PTPN4: variants seen among roughly 807,000 people sequenced by gnomAD.
The protein encoded by PTPN4 is tyrosine-protein phosphatase non-receptor type 4.
A neutral mutation model predicts 135.5 loss-of-function variants in PTPN4; 49 were observed. The observed-to-expected ratio is 0.36, with a 90% CI of 0.29 to 0.46. The LOEUF is 0.46. Ranked by LOEUF, PTPN4 falls within the 20% of genes least tolerant of loss-of-function variation. The pLI is 1.00. For synonymous variants in PTPN4, 333 were observed against 369.9 expected (o/e 0.90, Z 1.14); for missense variants, 860 against 1,101.0 (o/e 0.78, Z 3.10).
At chr2:119,780,541 G>A (rs1295773371) in intron 1 of PTPN4, among the ~76,000 whole-genome samples, 2 of 151,956 alleles carry the variant, frequency 1.3e-5, no homozygotes, top group East Asian at 1.9e-4. Flanking sequence ...TCACATTTTC[G>A]AAGAATCCAG....
intron 2 of PTPN4, among the ~76,000 whole-genome samples, chr2:119,844,568 C>G (rs1023196645): frequency 6.7e-6 from 1 of 149,742 alleles, no homozygotes; most frequent in Admixed American, 6.6e-5. Context: ...TCCTCACCTC[C>G]CAGACGGGGT....
At position 119,891,758 on chromosome 2, in the gene PTPN4, C is replaced by A. The variant is rs150668022; in HGVS notation, c.675+5876C>A. Reference sequence around the variant, plus strand: ...ACCTTTCAAGTCAATAATTTGAATTCTTTATTTCATGCTGGGATTTTGAAC... The same window carrying A: ...ACCTTTCAAGTCAATAATTTGAATTATTTATTTCATGCTGGGATTTTGAAC... On this transcript the variant is annotated intron_variant, in intron 9 of 26. Coordinates refer to ENST00000263708, the MANE Select transcript of PTPN4 (RefSeq NM_002830.4). Among the ~76,000 whole-genome samples the A allele has an allele frequency of 2.6e-5, 4 of 152,226 alleles. No homozygotes were observed. The East Asian group carries it at 7.7e-4, about 29-fold the overall frequency.
chr2:119,961,350 T>C (rs1205035655), intron 23 of PTPN4, among the ~76,000 whole-genome samples: 2 of 152,140 alleles, frequency 1.3e-5, no homozygotes, highest in African/African-American at 4.8e-5. Context: ...ATCAGGGAGA[T>C]GCAGATCAAA....
At chr2:119,944,287 A>G (rs1381239735) in intron 15 of PTPN4, among the ~76,000 whole-genome samples, 1 of 152,170 alleles carries the variant, frequency 6.6e-6, no homozygotes, top group African/African-American at 2.4e-5. Flanking sequence ...TTAATCTTTT[A>G]CTTCTCCCAA....
chr2:119,925,194 AAGCAGCTGCC>A (rs560454480), intron 12 of PTPN4, among the ~76,000 whole-genome samples: 15 of 152,076 alleles, frequency 9.9e-5, no homozygotes, highest in Non-Finnish European at 1.9e-4. Context: ...ATGACTATTA[AAGCAGCTGCC>A]AGCAGCTGCC....
chr2:119,796,864 G>A (rs1245402766), intron 1 of PTPN4, among the ~76,000 whole-genome samples: 3 of 4,610 alleles, frequency 6.5e-4, no homozygotes, highest in Admixed American at 4.2e-3. Context: ...CTGTTTTTGT[G>A]TGTGTGTGTG....
intron 1 of PTPN4, among the ~76,000 whole-genome samples, chr2:119,789,127 G>A (rs1408696353): frequency 6.6e-6 from 1 of 150,748 alleles, no homozygotes; most frequent in Non-Finnish European, 1.5e-5. Context: ...ATCTAAATAA[G>A]TGTGAGGTGG....
chr2:119,807,957 A>G (rs552243197), intron 1 of PTPN4, among the ~76,000 whole-genome samples: 1 of 152,372 alleles, frequency 6.6e-6, no homozygotes, highest in East Asian at 1.9e-4. Context: ...TCAGCTAAAC[A>G]GAAGCAATGA....
intron 12 of PTPN4, among the ~76,000 whole-genome samples, chr2:119,923,286 A>T (rs1054047625): frequency 2.6e-5 from 4 of 152,204 alleles, no homozygotes; most frequent in Admixed American, 1.3e-4. Context: ...AGGGAGGAGG[A>T]TCACTTGAGG....
rs557260453 is a variant in PTPN4 at position 119,819,943 on chromosome 2, C to G, written c.138+9952C>G. Among the ~76,000 whole-genome samples, 16 of 152,222 alleles carry G rather than the reference C, an allele frequency of 1.1e-4. No individual in the cohort carries two copies. The East Asian group carries it at 1.7e-3, about 17-fold the overall frequency. On this transcript the variant is annotated intron_variant, in intron 2 of 26. Transcript: ENST00000263708. ...TAGTACCACCATAGTTTAGTGCAGG[C>G]TTGAACTCCTGGGCTCAAGGGAATC...
chr2:119,774,814 C>T (rs571647894), intron 1 of PTPN4, among the ~76,000 whole-genome samples: 2 of 151,866 alleles, frequency 1.3e-5, no homozygotes, highest in South Asian at 4.2e-4. Context: ...ATCACGAGGT[C>T]GGGAGTTCGA....
chr2:119,852,883 A>T (rs967575618), intron 2 of PTPN4, among the ~76,000 whole-genome samples: 3 of 151,440 alleles, frequency 2.0e-5, no homozygotes, highest in African/African-American at 7.3e-5. Context: ...TTTTCTCCAG[A>T]GTCCTCTTTG....
intron 3 of PTPN4, among the ~76,000 whole-genome samples, chr2:119,876,714 C>T (rs1677987689): frequency 6.6e-6 from 1 of 151,978 alleles, no homozygotes; most frequent in Non-Finnish European, 1.5e-5. Flanking sequence ...CTTAAAATTT[C>T]TCACACATAA....
At chr2:119,789,764 T>C (rs12472128) in intron 1 of PTPN4, among the ~76,000 whole-genome samples, 146,704 of 152,242 alleles carry the variant, frequency 0.96, 70,928 homozygotes, top group East Asian at 1. Flanking sequence ...TCTCACTCAC[T>C]CAGGCTGGAG....
chr2:119,832,689 G>A (rs1677236696), intron 2 of PTPN4, among the ~76,000 whole-genome samples: 2 of 151,482 alleles, frequency 1.3e-5, no homozygotes, highest in Non-Finnish European at 2.9e-5. Flanking sequence ...GTTAATATTA[G>A]TAATTACATG....
At chr2:119,919,427 T>C (rs1338972923) in intron 11 of PTPN4, among the ~76,000 whole-genome samples, 2 of 152,248 alleles carry the variant, frequency 1.3e-5, no homozygotes, top group African/African-American at 2.4e-5. Flanking sequence ...CCTAGAATTA[T>C]ATTTTGAAAC....
chr2:119,805,606 T>C (rs1387633379), intron 1 of PTPN4, among the ~76,000 whole-genome samples: 5 of 152,222 alleles, frequency 3.3e-5, no homozygotes, highest in South Asian at 2.1e-4. Flanking sequence ...TGTGGTGATA[T>C]TTCTGAGGCC....
chr2:119,877,207 G>T, intron 3 of PTPN4, 116 bp from the exon 4 acceptor site: 4 of 1,083,416 alleles, frequency 3.7e-6, no homozygotes, highest in South Asian at 1.8e-5. Context: ...TTCCTACCTG[G>T]GCCTTTTCTG....
chr2:119,848,360 A>G (rs1163043997), intron 2 of PTPN4, among the ~76,000 whole-genome samples: 3 of 151,972 alleles, frequency 2.0e-5, no homozygotes, highest in Non-Finnish European at 4.4e-5. Context: ...TTTTTAATAG[A>G]GACGGGGTTT....
Sources: allele counts gnomAD v4.1 joint callset (sites outside exome capture counted in the v4.1 genomes callset), GRCh38; gene constraint gnomAD v4.1.1; transcripts MANE v1.5; gene names NCBI Gene and HGNC (gene_info 2026-07-23, HGNC 2026-07-21).